The following SLIT1 variants were observed in gnomAD, a reference collection of about 807,000 sequenced individuals.
SLIT1 encodes slit guidance ligand 1.
SLIT1 carries 66 observed loss-of-function variants against 186.1 expected under a neutral mutation model. The observed-to-expected ratio is 0.35, with a 90% CI of 0.29 to 0.44. The LOEUF (loss-of-function observed/expected upper bound fraction) is 0.44. Ranked by LOEUF, SLIT1 falls within the 20% of genes least tolerant of loss-of-function variation. The pLI is 1.00. For synonymous variants in SLIT1, 761 were observed against 833.8 expected (o/e 0.91, Z 1.50); for missense variants, 1,638 against 2,037.4 (o/e 0.80, Z 3.77).
rs529403109 is a variant in SLIT1, at chr10:97,095,288, C to CA, written c.414-29203dup. 4.7e-3 allele frequency among the ~76,000 whole-genome samples: 708 copies of CA among 151,608 alleles called. 1 individual carries two copies. Among genetic ancestry groups the CA allele is most frequent in the Non-Finnish European group, 7.2e-3 (487 of 67,790 alleles). ...ACAGAGCAAAACTCCTTCTCAAAAACAAAAAAAAGAGAGAGAAAGAAACCC... is the reference window on the plus strand; with the variant it reads ...ACAGAGCAAAACTCCTTCTCAAAAACAAAAAAAAAGAGAGAGAAAGAAACCC... On this transcript the variant is annotated intron_variant, in intron 4 of 36. Transcript: ENST00000266058.
At chr10:97,157,008 G>GC (rs1192634876) in intron 4 of SLIT1, among the ~76,000 whole-genome samples, 1 of 152,162 alleles carries the variant, frequency 6.6e-6, no homozygotes, top group African/African-American at 2.4e-5. Flanking sequence ...GTTATAGAAA[G>GC]CAAAACTGAG....
intron 4 of SLIT1, among the ~76,000 whole-genome samples, chr10:97,096,883 C>A (rs1321641225): frequency 1.3e-5 from 2 of 152,148 alleles, no homozygotes; most frequent in Admixed American, 6.5e-5. Flanking sequence ...TTAATGAGAG[C>A]CACCAACAAG....
chr10:97,043,137 G>T lies in SLIT1; in HGVS notation c.1998-70C>A. 1 of 1,527,840 alleles carries T rather than the reference G, an allele frequency of 6.5e-7. No homozygotes were observed. Among genetic ancestry groups the T allele is most frequent in the East Asian group, 2.3e-5 (1 of 44,236 alleles). 94.6% of individuals were successfully genotyped at this position (1,527,840 alleles called of 1,614,324 possible). A position where few individuals can be genotyped will look rare whatever the true frequency, so the allele number is the denominator to read the frequency against. On this transcript the variant is annotated intron_variant, in intron 19 of 36. Transcript: ENST00000266058. The surrounding 1 kb of genome is among the most constrained non-coding windows in gnomAD (Gnocchi z 7.0). ...TCAGAGGTCCCAGCAAACCCCTCCT[G>T]TACCACGGACACAGGGCCACATGGC...
chr10:97,115,973 G>T (rs79742790), intron 4 of SLIT1, among the ~76,000 whole-genome samples: 10 of 152,314 alleles, frequency 6.6e-5, no homozygotes, highest in East Asian at 1.9e-4. Context: ...GCAGGGGGCC[G>T]AGTTGACAGA....
intron 10 of SLIT1, among the ~76,000 whole-genome samples, chr10:97,059,868 C>CCAGGAT (rs1848875638): frequency 6.6e-6 from 1 of 152,206 alleles, no homozygotes; most frequent in African/African-American, 2.4e-5. Flanking sequence ...CCATCACAGG[C>CCAGGAT]CAGGCTCAGG....
At chr10:97,101,231 A>C (rs1166404525) in intron 4 of SLIT1, 1 of 152,232 alleles carries the variant, frequency 6.6e-6, no homozygotes, top group Non-Finnish European at 1.5e-5. Flanking sequence ...AGAGGGAGTC[A>C]CCAGAACCAG....
chr10:97,036,375 C>A lies in SLIT1; in HGVS notation c.2366+1323G>T, dbSNP rs549218646. Among the ~76,000 whole-genome samples, 9 of 152,332 alleles carry A rather than the reference C, an allele frequency of 5.9e-5. No individual in the cohort carries two copies. In the South Asian group the frequency reaches 1.9e-3, roughly 32 times the overall value. On this transcript the variant is annotated intron_variant, in intron 22 of 36. Transcript: ENST00000266058. The stretch of plus-strand genomic sequence containing the variant: ...TACTCCATCCCTTCTCCACCCCTCC[C>A]ATTGGAACATTCAACACACATTGGC...
At chr10:97,031,523 G>T in intron 24 of SLIT1, 83 bp downstream of exon 24, 1 of 1,100,206 alleles carries the variant, frequency 9.1e-7, no homozygotes, top group Non-Finnish European at 1.3e-6. Context: ...CCCTAGACAT[G>T]GGAACATTTC....
intron 4 of SLIT1, among the ~76,000 whole-genome samples, chr10:97,075,099 T>C (rs775574033): frequency 1.3e-5 from 2 of 152,196 alleles, no homozygotes; most frequent in Non-Finnish European, 1.5e-5. Flanking sequence ...TCATGCCACA[T>C]GGAAGCTCTG....
chr10:97,129,311 A>G (rs1393614611), intron 4 of SLIT1, among the ~76,000 whole-genome samples: 1 of 151,814 alleles, frequency 6.6e-6, no homozygotes, highest in Admixed American at 6.6e-5. Context: ...CTGAGGCAAG[A>G]GAATCACTTG....
At chr10:97,120,457 TCA>T (rs1383160983) in intron 4 of SLIT1, among the ~76,000 whole-genome samples, 1 of 152,212 alleles carries the variant, frequency 6.6e-6, no homozygotes, top group African/African-American at 2.4e-5. Context: ...TGCTCCCATT[TCA>T]CAGTTAAAGA....
chr10:97,096,381 C>A (rs962805376), intron 4 of SLIT1, among the ~76,000 whole-genome samples: 1 of 152,092 alleles, frequency 6.6e-6, no homozygotes, highest in Non-Finnish European at 1.5e-5. Context: ...GCCCTCGAGC[C>A]CCCCCGCCAG....
At chr10:97,181,404 C>A (rs1850336683) in intron 1 of SLIT1, among the ~76,000 whole-genome samples, 1 of 152,252 alleles carries the variant, frequency 6.6e-6, no homozygotes, top group Non-Finnish European at 1.5e-5. Flanking sequence ...GTGCCCTGGG[C>A]AGCCTTCCTT....
In SLIT1 at chr10:97,090,382, G is replaced by A. The variant is rs986843244; in HGVS notation, c.414-24296C>T. Among the ~76,000 whole-genome samples the A allele has an allele frequency of 6.6e-5, 10 of 151,762 alleles. No individual in the cohort carries two copies. In the East Asian group the frequency reaches 7.8e-4, roughly 12 times the overall value. ...AGAGGAACCAGCAGGCACAAAGGCC[G>A]TGAGGTGGGCAAGAGCTGGAAGTGT... On this transcript the variant is annotated intron_variant, in intron 4 of 36. Coordinates refer to ENST00000266058, the MANE Select transcript of SLIT1 (RefSeq NM_003061.3).
intron 4 of SLIT1, among the ~76,000 whole-genome samples, chr10:97,129,139 C>A (rs749431935): frequency 6.6e-5 from 10 of 152,102 alleles, no homozygotes; most frequent in African/African-American, 2.4e-4. Flanking sequence ...CGGTGGCTCA[C>A]GTCTGTTATC....
chr10:97,092,461 G>C (rs780357458), intron 4 of SLIT1, among the ~76,000 whole-genome samples: 2 of 152,214 alleles, frequency 1.3e-5, no homozygotes, highest in Non-Finnish European at 2.9e-5. Flanking sequence ...CATAGGTCAA[G>C]CACCTGAAAG....
In SLIT1 at chr10:96,999,719, C is replaced by G. The variant is rs2134581713; in HGVS notation, c.*1393G>C. 1.3e-5 allele frequency: 2 copies of G among 152,480 alleles called. No individual in the cohort carries two copies. The highest frequency in any genetic ancestry group is 4.1e-4 in the South Asian group (2 of 4,828). 9.4% of individuals were successfully genotyped at this position (152,480 alleles called of 1,614,324 possible). On this transcript the variant is annotated 3_prime_UTR_variant, in exon 37 of 37. Transcript: ENST00000266058. ...GGCAATCGTATATTCAGGGCCTCTT[C>G]TTCTTCCACCACTGGCTCCTTCGTT...
At chr10:97,084,120 G>A (rs1849133025) in intron 4 of SLIT1, among the ~76,000 whole-genome samples, 1 of 152,246 alleles carries the variant, frequency 6.6e-6, no homozygotes, top group Non-Finnish European at 1.5e-5. Flanking sequence ...GAGACAGGCA[G>A]AGGGTGGGTG....
chr10:97,096,935 C>T (rs1849297214), intron 4 of SLIT1, among the ~76,000 whole-genome samples: 1 of 152,202 alleles, frequency 6.6e-6, no homozygotes, highest in African/African-American at 2.4e-5. Flanking sequence ...CAAATTTAAA[C>T]CGCCCAACCA....
Sources: allele counts gnomAD v4.1 joint callset (sites outside exome capture counted in the v4.1 genomes callset), GRCh38; gene constraint gnomAD v4.1.1; non-coding constraint Gnocchi (gnomAD v3.1); transcripts MANE v1.5; gene names NCBI Gene and HGNC (gene_info 2026-07-23, HGNC 2026-07-21).